Variants in RNH1 observed in about 807,000 individuals in gnomAD.
The protein encoded by RNH1 is ribonuclease/angiogenin inhibitor 1.
In RNH1, 38 loss-of-function variants were observed where a neutral mutation model predicts 46.1. The observed-to-expected ratio is 0.82, with a 90% confidence interval of 0.64 to 1.08. The LOEUF (loss-of-function observed/expected upper bound fraction) is 1.08. Ranked by LOEUF, RNH1 falls within the 50% of genes least tolerant of loss-of-function variation. The probability of loss-of-function intolerance (pLI) is 0.00; values close to 1 mark genes in which losing one functional copy is unlikely to be tolerated. For synonymous variants in RNH1, 319 were observed against 279.1 expected, an observed-to-expected ratio of 1.14 and a Z score of -1.43; for missense variants, 577 against 590.7, an observed-to-expected ratio of 0.98 and a Z score of 0.24.
chr11:499,533 C>A, intron 5 of RNH1: 1 of 698,906 alleles, frequency 1.4e-6, no homozygotes, highest in South Asian at 1.5e-5. Flanking sequence ...GTGAGTGGAA[C>A]CTGACTCACG....
intron 8 of RNH1, 50 bp downstream of exon 8, chr11:498,406 AC>A (rs1849369280): frequency 3.8e-6 from 6 of 1,596,452 alleles, no homozygotes; most frequent in Non-Finnish European, 5.1e-6. Flanking sequence ...CTCCTCGGTC[AC>A]CCTGGCCCTC....
chr11:501,824 GCCGCCCACCTCGGC>G lies in RNH1; in HGVS notation c.101+224_101+237del, dbSNP rs886131274. On this transcript the variant is annotated intron_variant, in intron 3 of 10. Transcript: ENST00000354420. The surrounding 1 kb of genome is among the most constrained non-coding windows in gnomAD (Gnocchi z 4.1). ...GGAGCCAGAGACCCACTGGCCAGTG[GCCGCCCACCTCGGC>G]CCGCCCACCTCAGCCCATGCTGCAT... The G allele has an allele frequency of 6.2e-5, 34 of 546,814 alleles. No homozygotes were observed. The highest frequency in any genetic ancestry group is 1.1e-4 in the Non-Finnish European group (33 of 303,310). 33.9% of individuals were successfully genotyped at this position (546,814 alleles called of 1,614,324 possible).
In RNH1 at chr11:502,372, G is replaced by C; in HGVS notation, c.-87-123C>G. On this transcript the variant is annotated intron_variant, in intron 2 of 10. Coordinates refer to ENST00000354420, the MANE Select transcript of RNH1 (RefSeq NM_203387.3). The surrounding 1 kb of genome is among the most constrained non-coding windows in gnomAD (Gnocchi z 5.8). ...GGAGCAGACATCAGGGGTGGGGCAG[G>C]GGGCAGGGACCAGCACCCACCCCCA... 3 of 600,804 alleles carry C rather than the reference G, an allele frequency of 5.0e-6. No individual in the cohort carries two copies. The South Asian group carries it at 5.8e-5, about 12-fold the overall frequency. 37.2% of individuals were successfully genotyped at this position (600,804 alleles called of 1,614,324 possible). A position where few individuals can be genotyped will look rare whatever the true frequency, so the allele number is the denominator to read the frequency against.
In RNH1 at chr11:497,848, A is replaced by C. The variant is rs1406554322; in HGVS notation, c.1127+123T>G. On this transcript the variant is annotated intron_variant, in intron 9 of 10. Coordinates refer to ENST00000354420, the MANE Select transcript of RNH1 (RefSeq NM_203387.3). ...ACACGTGCTCACACTCGCCTCACCC[A>C]TGTGTGCTCACATACACACGGACAC... 4.2e-6 allele frequency: 5 copies of C among 1,195,440 alleles called. No individual in the cohort carries two copies. The Admixed American group carries it at 1.1e-4, about 27-fold the overall frequency. The allele number at this position is 1,195,440 out of a possible 1,614,324, so 74.1% of individuals were successfully genotyped here.
At chr11:497,014 G>A (rs1005610334) in intron 9 of RNH1, among the ~76,000 whole-genome samples, 4 of 152,378 alleles carry the variant, frequency 2.6e-5, no homozygotes, top group South Asian at 2.1e-4. Context: ...CCGCCAGCCC[G>A]CCTTTCCCAG....
Position 502,133 on chromosome 11 carries a change from G to T in RNH1, c.30C>A (p.Ile10=), listed in dbSNP as rs1231814360. MSLDIQSLD[I]QCEELSDARW... ...TAGCGTCGCTCAGCTCCTCACACTG[G>T]ATGTCCAGGCTCTGGATGTCCAGGC... Residue 10 remains isoleucine, a synonymous_variant, in exon 3 of 11, where the codon ATC becomes ATA. Transcript: ENST00000354420. This position sits in a 1 kb window ranked among gnomAD's most constrained non-coding sequence, Gnocchi z 5.8. The T allele has an allele frequency of 7.2e-6, 9 of 1,251,984 alleles. No homozygotes were observed. The highest frequency in any genetic ancestry group is 4.5e-5 in the East Asian group (2 of 44,640). 77.6% of individuals were successfully genotyped at this position (1,251,984 alleles called of 1,614,324 possible). A position where few individuals can be genotyped will look rare whatever the true frequency, so the allele number is the denominator to read the frequency against.
chr11:505,848 G>A (rs1440925746), intron 1 of RNH1: 1 of 103,004 alleles, frequency 9.7e-6, no homozygotes, highest in Non-Finnish European at 1.9e-5. Context: ...GGGATTACAG[G>A]CTGCAGCGCA....
Position 500,542 on chromosome 11 carries a change from C to G in RNH1, c.214G>C (p.Gly72Arg), listed in dbSNP as rs1195733327. The change falls in exon 4 of 11, where the codon GGC (glycine) becomes CGC (arginine). Residue 72 changes from glycine to arginine, a missense_variant. Coordinates refer to ENST00000354420, the MANE Select transcript of RNH1 (RefSeq NM_203387.3). ...NLRSNELGDVGVHCVLQGLQT... is the reference protein window; with the variant it reads ...NLRSNELGDVRVHCVLQGLQT... ...AGGCCCTGGAGCACGCAATGCACGC[C>G]GACATCGCCCAGCTCGTTGCTGCGC... 1.9e-6 allele frequency: 3 copies of G among 1,610,674 alleles called. No homozygotes were observed. The African/African-American group carries it at 4.0e-5, about 21-fold the overall frequency.
chr11:496,819 G>A (rs1849108843), intron 9 of RNH1, among the ~76,000 whole-genome samples: 1 of 152,220 alleles, frequency 6.6e-6, no homozygotes, highest in South Asian at 2.1e-4. Flanking sequence ...CTTTAACAAA[G>A]AAAACAAATC....
At chr11:500,792 T>C in intron 3 of RNH1, 138 bp from the exon 4 acceptor site, 1 of 985,976 alleles carries the variant, frequency 1.0e-6, no homozygotes, top group Non-Finnish European at 1.6e-6. Flanking sequence ...ATTTCAGAAA[T>C]GAAACAAAAA....
chr11:498,872 T>C lies in RNH1; in HGVS notation c.676A>G (p.Lys226Glu), dbSNP rs758515445. Residue 226 changes from lysine to glutamate, a missense_variant, in exon 7 of 11, where the codon AAG becomes GAG. By Grantham distance (56) the Lys-to-Glu change is moderately conservative. Coordinates refer to ENST00000354420, the MANE Select transcript of RNH1 (RefSeq NM_203387.3). Reference protein sequence around the residue: ...CRDLCGIVASKASLRELALGS... With the variant: ...CRDLCGIVASEASLRELALGS... ...AGGGCCAGCTCCCGCAGCGAGGCCT[T>C]GGAGGCCACAATGCCGCACAGGTCC... is the stretch of plus-strand genomic sequence containing the variant. The C allele has an allele frequency of 6.2e-7, 1 of 1,612,390 alleles. No homozygotes were observed. The highest frequency in any genetic ancestry group is 1.7e-5 in the Admixed American group (1 of 59,966).
Position 502,362 on chromosome 11 carries a change from G to GGTGGGGC in RNH1, c.-87-120_-87-114dup. 4.9e-6 allele frequency: 3 copies of GGTGGGGC among 609,234 alleles called. No individual in the cohort carries two copies. The highest frequency in any genetic ancestry group is 8.9e-6 in the Non-Finnish European group (3 of 338,920). 37.7% of individuals were successfully genotyped at this position (609,234 alleles called of 1,614,324 possible). A position where few individuals can be genotyped will look rare whatever the true frequency, so the allele number is the denominator to read the frequency against. On this transcript the variant is annotated intron_variant, in intron 2 of 10. Transcript: ENST00000354420. This position sits in a 1 kb window ranked among gnomAD's most constrained non-coding sequence, Gnocchi z 5.8. ...CTTTGTCTCTGGAGCAGACATCAGGGGTGGGGCAGGGGGCAGGGACCAGCA... is the reference window on the plus strand; with the variant it reads ...CTTTGTCTCTGGAGCAGACATCAGGGGTGGGGCGTGGGGCAGGGGGCAGGGACCAGCA...
chr11:499,447 TGGAGGGCA>T (rs1256150185), intron 5 of RNH1: 7 of 681,154 alleles, frequency 1.0e-5, no homozygotes, highest in African/African-American at 1.8e-5. Flanking sequence ...AACCAGCCTC[TGGAGGGCA>T]GGGCCACCTG....
At position 494,550 on chromosome 11, in the gene RNH1, A is replaced by G; in HGVS notation, c.*141T>C. 1.3e-6 allele frequency: 1 copy of G among 773,820 alleles called. No individual in the cohort carries two copies. The highest frequency in any genetic ancestry group is 2.2e-6 in the Non-Finnish European group (1 of 458,882). The allele number at this position is 773,820 out of a possible 1,614,324, so 47.9% of individuals were successfully genotyped here. ...GTGCTTTAATGATTATAAAGTGTCC[A>G]AAATATACTGGCAGAAATAAGCGGA... is the stretch of plus-strand genomic sequence containing the variant. On this transcript the variant is annotated 3_prime_UTR_variant, in exon 11 of 11. Transcript: ENST00000354420.
intron 1 of RNH1, chr11:506,765 A>C (rs998434992): frequency 6.6e-6 from 1 of 152,330 alleles, no homozygotes; most frequent in Non-Finnish European, 1.5e-5. Flanking sequence ...GCTCGCTGGA[A>C]TCTAAGGCAC....
intron 9 of RNH1, among the ~76,000 whole-genome samples, chr11:497,092 G>A (rs970692669): frequency 2.1e-5 from 3 of 146,022 alleles, no homozygotes; most frequent in Admixed American, 6.8e-5. Context: ...GCTCACTCTC[G>A]CCCATGTGCC....
chr11:500,507 G>C lies in RNH1; in HGVS notation c.249C>G (p.Pro83=). The C allele has an allele frequency of 6.2e-7, 1 of 1,608,554 alleles. No homozygotes were observed. Among genetic ancestry groups the C allele is most frequent in the Non-Finnish European group, 8.5e-7 (1 of 1,179,556 alleles). Residue 83 remains proline, a synonymous_variant, in exon 4 of 11, where the codon CCC becomes CCG. Transcript: ENST00000354420. ...VHCVLQGLQT[P]SCKIQKLSLQ... ...ACCTCAGCTTCTGGATCTTGCAGGA[G>C]GGGGTCTGCAGGCCCTGGAGCACGC...
intron 2 of RNH1, among the ~76,000 whole-genome samples, chr11:503,924 G>A (rs1376562068): frequency 6.6e-6 from 1 of 152,202 alleles, no homozygotes; most frequent in Non-Finnish European, 1.5e-5. Flanking sequence ...AAATGCGGGA[G>A]TAAACGCCCT....
At position 498,391 on chromosome 11, in the gene RNH1, CT is replaced by C. The variant is rs1849368167; in HGVS notation, c.956+65del. The C allele has an allele frequency of 1.9e-6, 3 of 1,580,928 alleles. No homozygotes were observed. The Admixed American group carries it at 5.1e-5, about 27-fold the overall frequency. ...TTCCCTGGAGTCGCTCACTCCTCCC[CT>C]GGTCTCCTCGGTCACCCTGGCCCTC... On this transcript the variant is annotated intron_variant, in intron 8 of 10. Transcript: ENST00000354420.
Sources: allele counts gnomAD v4.1 joint callset (sites outside exome capture counted in the v4.1 genomes callset), GRCh38; gene constraint gnomAD v4.1.1; non-coding constraint Gnocchi (gnomAD v3.1); transcripts MANE v1.5; gene names NCBI Gene and HGNC (gene_info 2026-07-23, HGNC 2026-07-21).